Variants in POLE observed in about 807,000 individuals in gnomAD.
POLE encodes the protein DNA polymerase epsilon catalytic subunit A.
In POLE, 188 loss-of-function variants were observed where a neutral mutation model predicts 279.2. The observed-to-expected ratio is 0.67, with a 90% confidence interval of 0.60 to 0.76. POLE has a LOEUF of 0.76. POLE is among the 30% of genes least tolerant of loss of function. POLE has a pLI of 0.00. For synonymous variants in POLE, 1,214 were observed against 1,172.5 expected (o/e 1.04, Z -0.72); for missense variants, 2,703 against 3,016.7 (o/e 0.90, Z 2.44).
At chr12:132,678,688 T>C (rs115494953) in intron 6 of POLE, among the ~76,000 whole-genome samples, 1,759 of 152,324 alleles carry the variant, frequency 0.012, 37 homozygotes, top group African/African-American at 0.04. Flanking sequence ...GGCTGCCTCA[T>C]GCAGGCTGAA....
At chr12:132,672,061 C>G (rs1172999742) in intron 16 of POLE, among the ~76,000 whole-genome samples, 154 bp downstream of exon 16, 1 of 152,176 alleles carries the variant, frequency 6.6e-6, no homozygotes, top group African/African-American at 2.4e-5. Flanking sequence ...CATCACACGT[C>G]ACAACCATGA....
chr12:132,676,447 A>C, intron 9 of POLE, 99 bp downstream of exon 9: 1 of 834,390 alleles, frequency 1.2e-6, no homozygotes, highest in Non-Finnish European at 2.0e-6. Context: ...CTCATTATTC[A>C]CTCAACAAAT....
chr12:132,683,394 T>TC (rs1433952782), intron 1 of POLE, among the ~76,000 whole-genome samples: 11 of 151,892 alleles, frequency 7.2e-5, no homozygotes, highest in African/African-American at 2.7e-4. Flanking sequence ...AAACAGATTC[T>TC]CCCCCGGGAA....
intron 28 of POLE, 21 bp from the exon 29 acceptor site, chr12:132,657,279 T>A (rs1208706085): frequency 6.2e-7 from 1 of 1,613,970 alleles, no homozygotes. Context: ...CCAACACCCA[T>A]CAGAGAGAGA....
Position 132,634,056 on chromosome 12 carries a change from A to T in POLE, c.6004+130T>A. 1 of 830,694 alleles carries T rather than the reference A, an allele frequency of 1.2e-6. No individual in the cohort carries two copies. The highest frequency in any genetic ancestry group is 1.9e-6 in the Non-Finnish European group (1 of 524,016). 51.5% of individuals were successfully genotyped at this position (830,694 alleles called of 1,614,324 possible). ...AGGCCCCTCGGCTCACAAAGTCCCA[A>T]CTGCTGGGCAGGCTCCGCCCGATCT... On this transcript the variant is annotated intron_variant, in intron 43 of 48. Transcript: ENST00000320574. The surrounding 1 kb of genome is among the most constrained non-coding windows in gnomAD (Gnocchi z 4.0).
rs1418799900 is a variant in POLE, at chr12:132,634,346, A to G, written c.5844T>C (p.Asp1948=). 1 of 1,613,666 alleles carries G rather than the reference A, an allele frequency of 6.2e-7. No homozygotes were observed. The highest frequency in any genetic ancestry group is 8.5e-7 in the Non-Finnish European group (1 of 1,179,788). The change falls in exon 43 of 49, where the codon GAT becomes GAC. Residue 1948 remains aspartate, a synonymous_variant. Coordinates refer to ENST00000320574, the MANE Select transcript of POLE (RefSeq NM_006231.4). The surrounding 1 kb of genome is among the most constrained non-coding windows in gnomAD (Gnocchi z 4.0). ...CCTCATCGTCCTCATTTTCCTGCTC[A>G]TCCTCTGCTCCCCCTGCTTTCTGGG... The part of the protein sequence containing the change: ...QDSQKAGGAE[D]EQENEDDEEE...
intron 32 of POLE, 132 bp downstream of exon 32, chr12:132,648,797 G>A (rs888901389): frequency 2.0e-6 from 2 of 986,992 alleles, no homozygotes; most frequent in Admixed American, 2.4e-5. Flanking sequence ...GCTCACACAC[G>A]TTGTTTTGAG....
chr12:132,634,512 C>CTCCAGGGG lies in POLE; in HGVS notation c.5812-135_5812-134insCCCCTGGA. On this transcript the variant is annotated intron_variant, in intron 42 of 48. Coordinates refer to ENST00000320574, the MANE Select transcript of POLE (RefSeq NM_006231.4). The surrounding 1 kb of genome is among the most constrained non-coding windows in gnomAD (Gnocchi z 4.0). ...CCAGAGGCCTTCCTCGCAGTCAAGG[C>CTCCAGGGG]ATCCCCTGGAGCCTGCGTGAATCCC... 1.2e-6 allele frequency: 1 copy of CTCCAGGGG among 853,988 alleles called. No homozygotes were observed. The highest frequency in any genetic ancestry group is 1.9e-6 in the Non-Finnish European group (1 of 537,038). 52.9% of individuals were successfully genotyped at this position (853,988 alleles called of 1,614,324 possible). A position where few individuals can be genotyped will look rare whatever the true frequency, so the allele number is the denominator to read the frequency against.
At chr12:132,665,277 C>A (rs1438782908) in intron 21 of POLE, 25 bp downstream of exon 21, 2 of 1,607,998 alleles carry the variant, frequency 1.2e-6, no homozygotes, top group African/African-American at 2.7e-5. Flanking sequence ...TCCCATAAGC[C>A]TCTCCCGGGC....
intron 25 of POLE, 26 bp downstream of exon 25, chr12:132,660,943 G>A (rs2138687961): frequency 6.5e-7 from 1 of 1,548,542 alleles, no homozygotes; most frequent in African/African-American, 1.4e-5. Flanking sequence ...CCTCAGAGCA[G>A]GTGAGGGTGG....
intron 45 of POLE, among the ~76,000 whole-genome samples, chr12:132,628,390 C>G (rs2138441559): frequency 6.6e-6 from 1 of 152,002 alleles, no homozygotes; most frequent in East Asian, 1.9e-4. Context: ...TGCCTGTAAT[C>G]CCAGCACTTT....
At chr12:132,662,111 CTG>C (rs2042695270) in intron 23 of POLE, among the ~76,000 whole-genome samples, 1 of 152,190 alleles carries the variant, frequency 6.6e-6, no homozygotes. Context: ...GTGAACGTCA[CTG>C]TGTGCAAATT....
intron 14 of POLE, 39 bp downstream of exon 14, chr12:132,673,125 T>C (rs2135995248): frequency 3.0e-6 from 4 of 1,312,706 alleles, no homozygotes; most frequent in Non-Finnish European, 4.4e-6. Flanking sequence ...GGGCAAGGGC[T>C]GAGGAGGCCA....
rs5745024 is a variant in POLE, at chr12:132,632,297, G to A, written c.6330+18C>T. ...GTACGTTAGTGTCCTCTCCTCACACGCACGCTGGCACTCTCACCTTGCACA... is the reference window on the plus strand; with the variant it reads ...GTACGTTAGTGTCCTCTCCTCACACACACGCTGGCACTCTCACCTTGCACA... On this transcript the variant is annotated intron_variant, in intron 45 of 48. Coordinates refer to ENST00000320574, the MANE Select transcript of POLE (RefSeq NM_006231.4). 4,130 of 1,599,680 alleles carry A rather than the reference G, an allele frequency of 2.6e-3. 105 individuals are homozygous for A. In the African/African-American group the frequency reaches 0.046, roughly 18 times the overall value.
At chr12:132,627,755 G>A (rs2041864674) in intron 45 of POLE, among the ~76,000 whole-genome samples, 1 of 152,200 alleles carries the variant, frequency 6.6e-6, no homozygotes, top group African/African-American at 2.4e-5. Context: ...TGCTGGTGGA[G>A]GGTCTTGCCT....
In POLE at chr12:132,634,464, C is replaced by G; in HGVS notation, c.5812-86G>C. ...ATGCCACAGCGAAGGCTCCTCCAAC[C>G]TGGGTCCATCTGCCCCGTTTGACCA... On this transcript the variant is annotated intron_variant, in intron 42 of 48. Coordinates refer to ENST00000320574, the MANE Select transcript of POLE (RefSeq NM_006231.4). This position sits in a 1 kb window ranked among gnomAD's most constrained non-coding sequence, Gnocchi z 4.0. 7.7e-7 allele frequency: 1 copy of G among 1,305,806 alleles called. No individual in the cohort carries two copies. The allele number at this position is 1,305,806 out of a possible 1,614,324, so 80.9% of individuals were successfully genotyped here. A position where few individuals can be genotyped will look rare whatever the true frequency, so the allele number is the denominator to read the frequency against.
intron 23 of POLE, among the ~76,000 whole-genome samples, chr12:132,663,567 G>A (rs901088451): frequency 2.0e-5 from 3 of 152,222 alleles, no homozygotes; most frequent in Non-Finnish European, 4.4e-5. Context: ...GTGGGTCCTT[G>A]CTGGGATCCT....
At position 132,668,614 on chromosome 12, in the gene POLE, A is replaced by T. The variant is rs2135977493; in HGVS notation, c.2026+21T>A. 1 of 1,602,406 alleles carries T rather than the reference A, an allele frequency of 6.2e-7. No homozygotes were observed. The highest frequency in any genetic ancestry group is 1.1e-5 in the South Asian group (1 of 90,704). ...CCCACCCGTTTCCCACCGAGTGCCC[A>T]CCCAGGCGGCCGACACTCACTGAAC... On this transcript the variant is annotated intron_variant, in intron 18 of 48. Coordinates refer to ENST00000320574, the MANE Select transcript of POLE (RefSeq NM_006231.4). The surrounding 1 kb of genome is among the most constrained non-coding windows in gnomAD (Gnocchi z 4.0).
intron 39 of POLE, chr12:132,641,156 T>G: frequency 2.3e-6 from 1 of 436,978 alleles, no homozygotes; most frequent in Admixed American, 2.5e-5. Flanking sequence ...TCGGCCCACC[T>G]CCTGGTACAC....
Sources: allele counts gnomAD v4.1 joint callset (sites outside exome capture counted in the v4.1 genomes callset), GRCh38; gene constraint gnomAD v4.1.1; non-coding constraint Gnocchi (gnomAD v3.1); transcripts MANE v1.5; gene names NCBI Gene and HGNC (gene_info 2026-07-23, HGNC 2026-07-21).